The following FXYD5 variants were observed in gnomAD, a reference collection of about 807,000 sequenced individuals.
FXYD5 encodes FXYD domain-containing ion transport regulator 5.
A neutral mutation model predicts 25.7 loss-of-function variants in FXYD5; 21 were observed. The observed-to-expected ratio is 0.82, with a 90% CI of 0.58 to 1.18. The LOEUF is 1.18. Among genes scored for constraint, FXYD5 ranks in the 50% most tolerant of loss-of-function variants. The probability of loss-of-function intolerance (pLI) is 0.00; values close to 1 mark genes in which losing one functional copy is unlikely to be tolerated. For missense variants in FXYD5, 229 were observed against 227.7 expected (o/e 1.01, Z -0.04); for synonymous variants, 101 against 90.7 (o/e 1.11, Z -0.64).
At chr19:35,160,492 A>C (rs1019641285) in intron 4 of FXYD5, among the ~76,000 whole-genome samples, 2 of 152,160 alleles carry the variant, frequency 1.3e-5, no homozygotes, top group Non-Finnish European at 2.9e-5. Flanking sequence ...GATTAGAGGC[A>C]TGAGCGACCA....
chr19:35,164,080 C>G (rs1189673763), intron 5 of FXYD5, 76 bp from the exon 6 acceptor site: 1 of 1,607,916 alleles, frequency 6.2e-7, no homozygotes, highest in Non-Finnish European at 8.5e-7. Context: ...CTTCCAGATG[C>G]AGACTCTCAG....
In FXYD5 at chr19:35,155,559, C is replaced by G; in HGVS notation, c.9C>G (p.Pro3=). 6.2e-7 allele frequency: 1 copy of G among 1,610,314 alleles called. No individual in the cohort carries two copies. The highest frequency in any genetic ancestry group is 1.3e-5 in the African/African-American group (1 of 75,040). The part of the protein sequence containing the change: MS[P]SGRLCLLTIV... ...ATCGCCTGGTCCCACAGATGTCGCC[C>G]TCTGGTCGCCTGTGTCTTCTCACCA... The change falls in exon 2 of 9, where the codon CCC becomes CCG. Residue 3 remains proline, a synonymous_variant. Coordinates refer to ENST00000392219, the MANE Select transcript of FXYD5 (RefSeq NM_014164.6).
intron 4 of FXYD5, chr19:35,159,527 A>G (rs1397976970): frequency 1.3e-6 from 2 of 1,550,590 alleles, no homozygotes. Context: ...CGCCTATATC[A>G]CAGCTTATGG....
At chr19:35,167,462 C>T (rs148257499) in intron 8 of FXYD5, among the ~76,000 whole-genome samples, 2 of 152,204 alleles carry the variant, frequency 1.3e-5, no homozygotes, top group African/African-American at 4.8e-5. Context: ...CTCCCACCCC[C>T]CTGTCTCCTG....
At chr19:35,158,557 A>G (rs983794982) in intron 4 of FXYD5, among the ~76,000 whole-genome samples, 157 bp downstream of exon 4, 1 of 152,222 alleles carries the variant, frequency 6.6e-6, no homozygotes, top group Non-Finnish European at 1.5e-5. Flanking sequence ...AACTCCATTC[A>G]ATTCTTTAGA....
At position 35,160,765 on chromosome 19, in the gene FXYD5, G is replaced by A; in HGVS notation, c.256G>A (p.Val86Met). Residue 86 changes from valine to methionine, a missense_variant, in exon 5 of 9, where the codon GTG becomes ATG. Coordinates refer to ENST00000392219, the MANE Select transcript of FXYD5 (RefSeq NM_014164.6). The stretch of plus-strand genomic sequence containing the variant: ...ACTGGAAGGAACGGATGGGCCTCTA[G>A]TGACAGATCCAGAGACACACAAGAG... ...QQLEGTDGPL[V>M]TDPETHKSTK... 1.9e-6 allele frequency: 3 copies of A among 1,613,744 alleles called. No homozygotes were observed. The South Asian group carries it at 3.3e-5, about 18-fold the overall frequency.
chr19:35,159,385 G>T, intron 4 of FXYD5: 1 of 1,317,548 alleles, frequency 7.6e-7, no homozygotes, highest in South Asian at 1.5e-5. Flanking sequence ...GTGTTTGTGT[G>T]AGCTTAAGGA....
rs2065366364 is a variant in FXYD5 at position 35,157,423 on chromosome 19, C to CAGACGTT, written c.65_71dup (p.Lys25AspfsTer44). On this transcript the variant is annotated frameshift_variant, in exon 3 of 9. Coordinates refer to ENST00000392219, the MANE Select transcript of FXYD5 (RefSeq NM_014164.6). LOFTEE classifies it high-confidence loss of function. The stretch of plus-strand genomic sequence containing the variant: ...ACTTCTCATCCTTGATTCCCCAGGA[C>CAGACGTT]AGACGTTGAAAGATACCACGTCCAG... The CAGACGTT allele has an allele frequency of 6.4e-6, 10 of 1,566,094 alleles. No individual in the cohort carries two copies. Among genetic ancestry groups the CAGACGTT allele is most frequent in the Non-Finnish European group, 8.8e-6 (10 of 1,136,710 alleles).
intron 2 of FXYD5, among the ~76,000 whole-genome samples, chr19:35,156,387 G>C (rs1156726211): frequency 6.6e-6 from 1 of 152,180 alleles, no homozygotes; most frequent in Non-Finnish European, 1.5e-5. Context: ...TGTGCACTGG[G>C]GAAACAGCAC....
rs922640465 is a variant in FXYD5, at chr19:35,159,620, C to T, written c.200-1089C>T. ...AGCACCACAATGAGCAACTTTGTCCCTTCCTCCTTGAGCAAACGCACTTGG... is the reference window on the plus strand; with the variant it reads ...AGCACCACAATGAGCAACTTTGTCCTTTCCTCCTTGAGCAAACGCACTTGG... On this transcript the variant is annotated intron_variant, in intron 4 of 8. Transcript: ENST00000392219. 3.9e-6 allele frequency: 6 copies of T among 1,550,102 alleles called. No individual in the cohort carries two copies. The African/African-American group carries it at 8.2e-5, about 21-fold the overall frequency.
intron 5 of FXYD5, among the ~76,000 whole-genome samples, chr19:35,163,438 G>C (rs1364512369): frequency 2.0e-5 from 3 of 148,758 alleles, no homozygotes; most frequent in African/African-American, 7.5e-5. Flanking sequence ...AGAATCCTTT[G>C]GTATTTTCGG....
At chr19:35,162,207 C>T (rs189968849) in intron 5 of FXYD5, among the ~76,000 whole-genome samples, 22 of 152,300 alleles carry the variant, frequency 1.4e-4, no homozygotes, top group Admixed American at 1.4e-3. Flanking sequence ...GCTGTCACTG[C>T]TGAGCCTCTG....
At chr19:35,159,173 G>C (rs1167619780) in intron 4 of FXYD5, among the ~76,000 whole-genome samples, 1 of 150,816 alleles carries the variant, frequency 6.6e-6, no homozygotes, top group African/African-American at 2.4e-5. Context: ...GATGTTTAAA[G>C]ACACAGTAGT....
intron 4 of FXYD5, chr19:35,159,740 C>A: frequency 7.4e-7 from 1 of 1,349,936 alleles, no homozygotes. Context: ...CAGAAATTAC[C>A]ATTGTCCCCA....
intron 8 of FXYD5, chr19:35,166,646 T>C: frequency 2.3e-6 from 1 of 427,064 alleles, no homozygotes; most frequent in Non-Finnish European, 4.1e-6. Flanking sequence ...TGCCACATCA[T>C]CTTATCCTTC....
intron 5 of FXYD5, among the ~76,000 whole-genome samples, chr19:35,162,313 T>C (rs1326079813): frequency 1.3e-5 from 2 of 152,232 alleles, no homozygotes; most frequent in African/African-American, 2.4e-5. Flanking sequence ...CTCATGTTAT[T>C]TGAGCCTCCT....
intron 3 of FXYD5, 132 bp downstream of exon 3, chr19:35,157,633 C>A: frequency 1.7e-6 from 1 of 583,676 alleles, no homozygotes; most frequent in Non-Finnish European, 3.1e-6. Context: ...GACCTTCAGG[C>A]ATGGCTTGAT....
In FXYD5 at chr19:35,169,861, G is replaced by A. The variant is rs2065484059; in HGVS notation, c.*246G>A. The A allele has an allele frequency of 1.9e-6, 1 of 517,910 alleles. No individual in the cohort carries two copies. The highest frequency in any genetic ancestry group is 3.5e-6 in the Non-Finnish European group (1 of 285,564). The allele number at this position is 517,910 out of a possible 1,614,324, so 32.1% of individuals were successfully genotyped here. A position where few individuals can be genotyped will look rare whatever the true frequency, so the allele number is the denominator to read the frequency against. ...GTTATCTCCTCTGCTAAGACAAAAAGTAAAGCACTGTGGTCTTTGCCCCAG... is the reference window on the plus strand; with the variant it reads ...GTTATCTCCTCTGCTAAGACAAAAAATAAAGCACTGTGGTCTTTGCCCCAG... On this transcript the variant is annotated 3_prime_UTR_variant, in exon 9 of 9. Coordinates refer to ENST00000392219, the MANE Select transcript of FXYD5 (RefSeq NM_014164.6).
At chr19:35,167,584 ATGT>A (rs368289597) in intron 8 of FXYD5, among the ~76,000 whole-genome samples, 108 of 152,346 alleles carry the variant, frequency 7.1e-4, no homozygotes, top group African/African-American at 2.5e-3. Flanking sequence ...GGTTTTTAAA[ATGT>A]TGTGGGTGAA....
Sources: allele counts gnomAD v4.1 joint callset (sites outside exome capture counted in the v4.1 genomes callset), GRCh38; gene constraint gnomAD v4.1.1; transcripts MANE v1.5; gene names NCBI Gene and HGNC (gene_info 2026-07-23, HGNC 2026-07-21).